SPAG16: variants seen among roughly 807,000 people sequenced by gnomAD.
SPAG16 encodes the protein sperm associated antigen 16, also known as sperm-associated antigen 16 protein.
A neutral mutation model predicts 80.4 loss-of-function variants in SPAG16; 86 were observed. The observed-to-expected ratio is 1.07, with a 90% CI of 0.90 to 1.28. The LOEUF is 1.28. Among genes scored for constraint, SPAG16 ranks in the 50% most tolerant of loss-of-function variants. SPAG16 has a pLI of 0.00. For missense variants in SPAG16, 870 were observed against 765.3 expected (o/e 1.14, Z -1.61); for synonymous variants, 294 against 265.9 (o/e 1.11, Z -1.03).
chr2:213,549,529 A>G (rs2076722110), intron 10 of SPAG16, among the ~76,000 whole-genome samples: 2 of 152,124 alleles, frequency 1.3e-5, no homozygotes, highest in Non-Finnish European at 2.9e-5. Flanking sequence ...TAGTTTCTTC[A>G]CTTCTCTCCA....
rs188585679 is a variant in SPAG16, at chr2:213,285,088, C to T, written c.136+469C>T. On this transcript the variant is annotated intron_variant, in intron 1 of 15. Coordinates refer to ENST00000331683, the MANE Select transcript of SPAG16 (RefSeq NM_024532.5). ...GCTGAAGCTCAGAATACCCAACCCACGATCCTGTTCGATGGTCCAGTTAAT... is the reference window on the plus strand; with the variant it reads ...GCTGAAGCTCAGAATACCCAACCCATGATCCTGTTCGATGGTCCAGTTAAT... Among the ~76,000 whole-genome samples the T allele has an allele frequency of 3.5e-3, 527 of 152,276 alleles. 4 individuals carry two copies. Among genetic ancestry groups the T allele is most frequent in the Non-Finnish European group, 5.8e-3 (396 of 68,016 alleles).
At chr2:213,309,948 A>G (rs1283049060) in intron 3 of SPAG16, 111 bp from the exon 4 acceptor site, 4 of 663,510 alleles carry the variant, frequency 6.0e-6, no homozygotes, top group Non-Finnish European at 1.0e-5. Context: ...ACAGTCAACA[A>G]ACATTGTTGA....
intron 10 of SPAG16, among the ~76,000 whole-genome samples, chr2:213,576,396 A>G (rs1317107421): frequency 1.3e-5 from 2 of 152,030 alleles, no homozygotes; most frequent in Non-Finnish European, 1.5e-5. Context: ...GGATTCAGCC[A>G]TTGAGGAAGA....
At chr2:213,573,103 C>T (rs916752044) in intron 10 of SPAG16, among the ~76,000 whole-genome samples, 26 of 152,230 alleles carry the variant, frequency 1.7e-4, no homozygotes, top group African/African-American at 5.8e-4. Flanking sequence ...GGCTCACGCA[C>T]GGTGCGCGCA....
Position 213,920,321 on chromosome 2 carries a change from C to T in SPAG16, c.1215-9639C>T, listed in dbSNP as rs2106204841. Among the ~76,000 whole-genome samples, 2 of 152,264 alleles carry T rather than the reference C, an allele frequency of 1.3e-5. 1 individual carries two copies. Among genetic ancestry groups the T allele is most frequent in the South Asian group, 4.1e-4 (2 of 4,828 alleles). The stretch of plus-strand genomic sequence containing the variant: ...TTGATATGTGTGAATGTGATCCTGT[C>T]ATCATGATGTTAGCTTGTTATGCAA... On this transcript the variant is annotated intron_variant, in intron 11 of 15. Transcript: ENST00000331683.
At chr2:214,063,208 C>A (rs1023862532) in intron 13 of SPAG16, among the ~76,000 whole-genome samples, 1 of 152,110 alleles carries the variant, frequency 6.6e-6, no homozygotes, top group African/African-American at 2.4e-5. Context: ...CAGCACAGTG[C>A]CAGCTCTTGC....
At chr2:214,306,693 G>A (rs1337082328) in intron 15 of SPAG16, among the ~76,000 whole-genome samples, 1 of 151,986 alleles carries the variant, frequency 6.6e-6, no homozygotes, top group Non-Finnish European at 1.5e-5. Flanking sequence ...ATTTGTGTGT[G>A]TTGAACTTGC....
chr2:213,422,508 G>A (rs577096161), intron 9 of SPAG16: 1 of 526,962 alleles, frequency 1.9e-6, no homozygotes, highest in Admixed American at 3.2e-5. Flanking sequence ...AGCAAGAGCT[G>A]AGCACAGCCT....
At chr2:213,743,605 C>G (rs1019738575) in intron 10 of SPAG16, among the ~76,000 whole-genome samples, 1 of 152,174 alleles carries the variant, frequency 6.6e-6, no homozygotes, top group Non-Finnish European at 1.5e-5. Context: ...TGCTGTTGAG[C>G]AGTCTGCTGT....
At chr2:214,085,174 AAAAGC>A (rs1006642846) in intron 13 of SPAG16, among the ~76,000 whole-genome samples, 3 of 152,194 alleles carry the variant, frequency 2.0e-5, no homozygotes, top group Non-Finnish European at 2.9e-5. Context: ...ACTGGAATAT[AAAAGC>A]AAAAGAAAGT....
rs1161031196 is a variant in SPAG16, at chr2:213,808,288, A to C, written c.1071-54197A>C. Among the ~76,000 whole-genome samples the C allele has an allele frequency of 2.0e-5, 3 of 152,198 alleles. No individual in the cohort carries two copies. In the South Asian group the frequency reaches 6.2e-4, roughly 32 times the overall value. On this transcript the variant is annotated intron_variant, in intron 10 of 15. Transcript: ENST00000331683. ...AATTTTGTGGAAGAACATTTTAGGC[A>C]GCATAAACAACAAATGCAAAGATCC...
At chr2:213,830,631 T>C (rs1429864780) in intron 10 of SPAG16, among the ~76,000 whole-genome samples, 30 of 152,174 alleles carry the variant, frequency 2.0e-4, no homozygotes, top group Non-Finnish European at 1.5e-5. Flanking sequence ...TCATGTAAAA[T>C]GTGTAATTCA....
chr2:213,554,688 ACTT>A (rs987342815), intron 10 of SPAG16, among the ~76,000 whole-genome samples: 3 of 151,944 alleles, frequency 2.0e-5, no homozygotes, highest in East Asian at 1.9e-4. Flanking sequence ...AACAAACAAA[ACTT>A]CTAGAGCTGA....
intron 15 of SPAG16, among the ~76,000 whole-genome samples, chr2:214,409,123 T>A (rs1049751592): frequency 2.0e-5 from 3 of 151,878 alleles, no homozygotes; most frequent in African/African-American, 7.2e-5. Context: ...TAGATTACTG[T>A]AACGATCATT....
chr2:213,762,879 G>T (rs2125526874), intron 10 of SPAG16, among the ~76,000 whole-genome samples: 1 of 152,184 alleles, frequency 6.6e-6, no homozygotes, highest in East Asian at 1.9e-4. Flanking sequence ...TTTGCAAGTT[G>T]CAAATCTTAT....
chr2:214,150,900 G>C (rs1210075173), intron 15 of SPAG16, among the ~76,000 whole-genome samples: 1 of 151,872 alleles, frequency 6.6e-6, no homozygotes, highest in Non-Finnish European at 1.5e-5. Flanking sequence ...AAGGCCCTTG[G>C]TACATCAAAC....
At chr2:214,304,628 C>T (rs537241394) in intron 15 of SPAG16, among the ~76,000 whole-genome samples, 1 of 152,302 alleles carries the variant, frequency 6.6e-6, no homozygotes, top group East Asian at 1.9e-4. Flanking sequence ...TGATTTTCCA[C>T]TTCACACCTC....
intron 15 of SPAG16, among the ~76,000 whole-genome samples, chr2:214,364,198 A>G (rs1275542029): frequency 2.0e-5 from 3 of 152,042 alleles, no homozygotes; most frequent in Non-Finnish European, 4.4e-5. Flanking sequence ...CTACTCTACT[A>G]TAGTATCCCC....
intron 15 of SPAG16, among the ~76,000 whole-genome samples, chr2:214,356,380 A>T (rs1698803917): frequency 6.6e-6 from 1 of 151,256 alleles, no homozygotes; most frequent in East Asian, 1.9e-4. Context: ...AATTGACACA[A>T]TATGGAAGAC....
Sources: gnomAD v4.1 joint callset for allele counts (sites outside exome capture counted in the v4.1 genomes callset) on GRCh38, gnomAD v4.1.1 for gene constraint, MANE v1.5 for transcripts, NCBI Gene and HGNC (gene_info 2026-07-23, HGNC 2026-07-21) for gene names.